RMST: variants seen among roughly 807,000 people sequenced by gnomAD.
RMST encodes the protein rhabdomyosarcoma 2 associated transcript.
intron 13 of RMST, chr12:97,563,492 T>A (rs1884291193): frequency 3.7e-6 from 1 of 273,424 alleles, no homozygotes; most frequent in Non-Finnish European, 7.1e-6. Flanking sequence ...GATTTGTCTG[T>A]CTTCTGTCTT....
At chr12:97,490,274 T>C (rs550773479) in intron 5 of RMST, among the ~76,000 whole-genome samples, 18 of 152,252 alleles carry the variant, frequency 1.2e-4, no homozygotes, top group Non-Finnish European at 2.6e-4. Flanking sequence ...AATTTAAATC[T>C]CTATGCATAA....
At chr12:97,485,641 A>G (rs1327809596) in intron 5 of RMST, among the ~76,000 whole-genome samples, 1 of 152,230 alleles carries the variant, frequency 6.6e-6, no homozygotes, top group Admixed American at 6.5e-5. Flanking sequence ...TATTTATTAT[A>G]TGAGCCCCCA....
At chr12:97,561,629 CTTTTTTTTTT>C (rs9331504) in intron 13 of RMST, among the ~76,000 whole-genome samples, 145 of 56,700 alleles carry the variant, frequency 2.6e-3, no homozygotes, top group Middle Eastern at 0.019. Context: ...AGTTTGAAGG[CTTTTTTTTTT>C]TTTTTTTTTT....
intron 10 of RMST, among the ~76,000 whole-genome samples, chr12:97,506,952 G>C (rs1425774731): frequency 6.6e-6 from 1 of 152,056 alleles, no homozygotes; most frequent in African/African-American, 2.4e-5. Flanking sequence ...AAAGTGCTGG[G>C]ATTATAGGCA....
At chr12:97,484,850 G>A (rs1875891530) in intron 5 of RMST, among the ~76,000 whole-genome samples, 3 of 152,050 alleles carry the variant, frequency 2.0e-5, no homozygotes, top group African/African-American at 7.2e-5. Flanking sequence ...CTTTTTGACA[G>A]TCTCATCAAT....
chr12:97,558,415 A>T (rs976644534), intron 11 of RMST, among the ~76,000 whole-genome samples: 1 of 152,206 alleles, frequency 6.6e-6, no homozygotes, highest in Non-Finnish European at 1.5e-5. Flanking sequence ...TCTGCCTTCT[A>T]TCTTTTGTCT....
chr12:97,490,597 G>A (rs936789779), intron 5 of RMST, among the ~76,000 whole-genome samples: 4 of 152,060 alleles, frequency 2.6e-5, no homozygotes, highest in East Asian at 1.9e-4. Flanking sequence ...CACCTCCACC[G>A]CCGTCATCAT....
At chr12:97,465,987 G>A (rs1232752350) in intron 5 of RMST, among the ~76,000 whole-genome samples, 1 of 152,056 alleles carries the variant, frequency 6.6e-6, no homozygotes, top group Non-Finnish European at 1.5e-5. Flanking sequence ...TATTTCTTTA[G>A]AGACAATGAT....
chr12:97,518,392 C>G (rs373307107), intron 10 of RMST, among the ~76,000 whole-genome samples: 17 of 152,328 alleles, frequency 1.1e-4, no homozygotes, highest in African/African-American at 4.1e-4. Flanking sequence ...TTCCTGCTCT[C>G]TCAACCCTCC....
At chr12:97,463,754 A>G (rs1274910134) in intron 4 of RMST, among the ~76,000 whole-genome samples, 1 of 152,196 alleles carries the variant, frequency 6.6e-6, no homozygotes, top group Admixed American at 6.5e-5. Context: ...ACAAAAAGAT[A>G]AGATTATGAT....
intron 11 of RMST, among the ~76,000 whole-genome samples, chr12:97,543,122 C>A (rs1430720892): frequency 6.6e-6 from 1 of 152,040 alleles, no homozygotes; most frequent in Non-Finnish European, 1.5e-5. Context: ...TTTTAAAAAA[C>A]CAGTGTACAT....
chr12:97,468,012 G>A (rs1422398477), intron 5 of RMST, among the ~76,000 whole-genome samples: 1 of 151,924 alleles, frequency 6.6e-6, no homozygotes, highest in Non-Finnish European at 1.5e-5. Flanking sequence ...GCATCATCTA[G>A]GAAATTTATT....
intron 5 of RMST, among the ~76,000 whole-genome samples, chr12:97,480,035 A>G (rs1266092723): frequency 6.6e-6 from 1 of 150,638 alleles, no homozygotes; most frequent in Non-Finnish European, 1.5e-5. Context: ...TGTTTTCCAT[A>G]TCAAACCCAG....
chr12:97,511,155 T>G (rs1035493771), intron 10 of RMST, among the ~76,000 whole-genome samples: 3 of 151,732 alleles, frequency 2.0e-5, no homozygotes, highest in Admixed American at 6.6e-5. Flanking sequence ...TCCTTCTTTT[T>G]TTTTTTTTTT....
At chr12:97,549,004 AG>A (rs1177599805) in intron 11 of RMST, among the ~76,000 whole-genome samples, 1 of 152,204 alleles carries the variant, frequency 6.6e-6, no homozygotes, top group Non-Finnish European at 1.5e-5. Flanking sequence ...AACTTTTGAA[AG>A]AATGATTTGA....
chr12:97,541,077 T>TCG (rs1449582826), intron 11 of RMST: 1 of 151,614 alleles, frequency 6.6e-6, no homozygotes, highest in Non-Finnish European at 1.5e-5. Flanking sequence ...AAATTAAATA[T>TCG]CTGGCTTACT....
chr12:97,467,049 G>A (rs1873276863), intron 5 of RMST, among the ~76,000 whole-genome samples: 1 of 151,996 alleles, frequency 6.6e-6, no homozygotes, highest in Non-Finnish European at 1.5e-5. Flanking sequence ...AGGAAACAAG[G>A]AGTAAATACT....
At chr12:97,505,230 C>T (rs989680340) in intron 10 of RMST, among the ~76,000 whole-genome samples, 5 of 152,210 alleles carry the variant, frequency 3.3e-5, no homozygotes, top group Admixed American at 3.3e-4. Flanking sequence ...ATAGTTAACT[C>T]ACTATGCTTA....
intron 10 of RMST, among the ~76,000 whole-genome samples, chr12:97,512,501 C>T (rs1879471465): frequency 1.3e-5 from 2 of 152,170 alleles, no homozygotes; most frequent in Non-Finnish European, 1.5e-5. Context: ...CGTTTACAAT[C>T]CCTGAGCTAG....
Sources: gnomAD v4.1 joint callset for allele counts (sites outside exome capture counted in the v4.1 genomes callset) on GRCh38, gnomAD v4.1.1 for gene constraint, MANE v1.5 for transcripts, NCBI Gene and HGNC (gene_info 2026-07-23, HGNC 2026-07-21) for gene names.